DPP10: variants seen among roughly 807,000 people sequenced by gnomAD.
DPP10 encodes the protein dipeptidyl peptidase like 10, also known as inactive dipeptidyl peptidase 10.
DPP10 carries 33 observed loss-of-function variants against 120.9 expected under a neutral mutation model. The observed-to-expected ratio is 0.27, with a 90% CI of 0.21 to 0.37. DPP10 has a LOEUF of 0.37. DPP10 is among the 10% of genes least tolerant of loss of function. The pLI is 1.00. For synonymous variants in DPP10, 337 were observed against 326.1 expected, an observed-to-expected ratio of 1.03 and a Z score of -0.36; for missense variants, 816 against 942.8, an observed-to-expected ratio of 0.87 and a Z score of 1.76.
intron 1 of DPP10, among the ~76,000 whole-genome samples, chr2:114,931,294 C>A (rs770755017): frequency 6.6e-6 from 1 of 152,160 alleles, no homozygotes; most frequent in Non-Finnish European, 1.5e-5. Context: ...ACTGATTGTG[C>A]AAGAAGCACA....
At chr2:114,657,139 A>G (rs1183830198) in intron 1 of DPP10, among the ~76,000 whole-genome samples, 1 of 152,120 alleles carries the variant, frequency 6.6e-6, no homozygotes. Flanking sequence ...CTAATTCTTT[A>G]TACAACCAGG....
intron 1 of DPP10, chr2:114,828,393 C>T (rs1686755041): frequency 6.6e-6 from 1 of 152,108 alleles, no homozygotes; most frequent in Admixed American, 6.6e-5. Flanking sequence ...GATATAGAAA[C>T]ATAGATGCAT....
chr2:114,727,511 C>T lies in DPP10; in HGVS notation c.60+284673C>T, dbSNP rs184050592. On this transcript the variant is annotated intron_variant, in intron 1 of 25. Transcript: ENST00000410059. ...AAAGGAGCCCTGGGATAAGTTAAAG[C>T]GTGAGGCACTGTTCCTGGGCCAACA... Among the ~76,000 whole-genome samples, 13 of 152,284 alleles carry T rather than the reference C, an allele frequency of 8.5e-5. 1 individual carries two copies. The South Asian group carries it at 2.1e-3, about 24-fold the overall frequency.
chr2:115,414,624 G>A (rs1465884200), intron 3 of DPP10, among the ~76,000 whole-genome samples: 3 of 152,230 alleles, frequency 2.0e-5, no homozygotes, highest in Admixed American at 6.5e-5. Flanking sequence ...CATTTTGAGC[G>A]TGATATGTAT....
intron 1 of DPP10, among the ~76,000 whole-genome samples, chr2:114,682,762 ATCTGTCTG>A (rs1242052930): frequency 2.1e-3 from 306 of 144,886 alleles, no homozygotes; most frequent in Middle Eastern, 3.5e-3. Context: ...CTATCTATCT[ATCTGTCTG>A]TCTATCTATC....
chr2:115,348,942 T>C (rs1023998949), intron 3 of DPP10, among the ~76,000 whole-genome samples: 1 of 152,098 alleles, frequency 6.6e-6, no homozygotes, highest in African/African-American at 2.4e-5. Context: ...TCTGGACCAG[T>C]GGTCAACCCT....
chr2:115,789,480 A>T (rs1052261610), intron 17 of DPP10, among the ~76,000 whole-genome samples: 1 of 152,242 alleles, frequency 6.6e-6, no homozygotes, highest in Admixed American at 6.5e-5. Flanking sequence ...CCTGAACTTC[A>T]TGAATGATAT....
intron 21 of DPP10, among the ~76,000 whole-genome samples, chr2:115,831,842 G>C (rs1460275346): frequency 6.6e-6 from 1 of 152,146 alleles, no homozygotes; most frequent in Non-Finnish European, 1.5e-5. Context: ...TAAAATGCTT[G>C]GCAAATGGGA....
intron 3 of DPP10, among the ~76,000 whole-genome samples, chr2:115,355,090 G>T (rs1285416859): frequency 6.6e-6 from 1 of 152,122 alleles, no homozygotes; most frequent in Non-Finnish European, 1.5e-5. Context: ...TGGGTCAAAG[G>T]TTATTTCTGG....
At chr2:115,343,194 A>G (rs1338932023) in intron 2 of DPP10, among the ~76,000 whole-genome samples, 1 of 152,210 alleles carries the variant, frequency 6.6e-6, no homozygotes, top group African/African-American at 2.4e-5. Context: ...AGAAAGAGGA[A>G]TACACCTAGC....
intron 5 of DPP10, among the ~76,000 whole-genome samples, chr2:115,686,459 C>T (rs2090994219): frequency 6.6e-6 from 1 of 151,974 alleles, no homozygotes; most frequent in Admixed American, 6.6e-5. Context: ...GGAACCTGAT[C>T]CTGTATTTCT....
At chr2:115,102,395 TTTTG>T (rs141019149) in intron 1 of DPP10, among the ~76,000 whole-genome samples, 31,157 of 150,782 alleles carry the variant, frequency 0.21, 3,920 homozygotes, top group East Asian at 0.36. Flanking sequence ...GGGAGGGGTT[TTTTG>T]TTTGTTTGTT....
At chr2:114,623,712 G>A (rs1004216292) in intron 1 of DPP10, among the ~76,000 whole-genome samples, 7 of 152,054 alleles carry the variant, frequency 4.6e-5, no homozygotes, top group Non-Finnish European at 1.0e-4. Flanking sequence ...GTCAAACAAA[G>A]TATAAATCTA....
Position 114,950,176 on chromosome 2 carries a change from A to T in DPP10, c.61-359063A>T, listed in dbSNP as rs1697668506. Among the ~76,000 whole-genome samples the T allele has an allele frequency of 2.6e-5, 4 of 152,152 alleles. No homozygotes were observed. In the South Asian group the frequency reaches 8.3e-4, roughly 32 times the overall value. ...AGCCTATCTTGTCTAAACTCAGACAATGTATTTCAGTGATATGTTTTCCTT... is the reference window on the plus strand; with the variant it reads ...AGCCTATCTTGTCTAAACTCAGACATTGTATTTCAGTGATATGTTTTCCTT... On this transcript the variant is annotated intron_variant, in intron 1 of 25. Transcript: ENST00000410059.
chr2:115,166,524 A>AGT (rs2052869668), intron 1 of DPP10, among the ~76,000 whole-genome samples: 1 of 142,138 alleles, frequency 7.0e-6, no homozygotes, highest in African/African-American at 2.6e-5. Flanking sequence ...TTATAATATA[A>AGT]ATATATATAT....
At chr2:115,321,102 C>A (rs537635325) in intron 2 of DPP10, among the ~76,000 whole-genome samples, 1 of 152,116 alleles carries the variant, frequency 6.6e-6, no homozygotes, top group African/African-American at 2.4e-5. Flanking sequence ...GAGTTTGAGA[C>A]CAGCCTGGCC....
At chr2:115,492,891 G>A (rs1314884597) in intron 3 of DPP10, among the ~76,000 whole-genome samples, 1 of 152,062 alleles carries the variant, frequency 6.6e-6, no homozygotes, top group East Asian at 1.9e-4. Flanking sequence ...GATATTAGGT[G>A]AATACTTTAA....
chr2:114,764,163 A>G (rs1680512911), intron 1 of DPP10, among the ~76,000 whole-genome samples: 2 of 152,180 alleles, frequency 1.3e-5, no homozygotes, highest in Non-Finnish European at 2.9e-5. Context: ...AGTGAACATC[A>G]AAAATGGGAG....
At chr2:115,152,991 G>A (rs558931440) in intron 1 of DPP10, among the ~76,000 whole-genome samples, 2 of 152,238 alleles carry the variant, frequency 1.3e-5, no homozygotes, top group South Asian at 2.1e-4. Flanking sequence ...TACCATGGGA[G>A]GGGTGGTTAA....
Sources: allele counts gnomAD v4.1 joint callset (sites outside exome capture counted in the v4.1 genomes callset), GRCh38; gene constraint gnomAD v4.1.1; transcripts MANE v1.5; gene names NCBI Gene and HGNC (gene_info 2026-07-23, HGNC 2026-07-21).